Variants in GNPDA2 observed in about 807,000 individuals in gnomAD.
GNPDA2 encodes glcN6P deaminase 2.
Under a neutral mutation model 27.0 loss-of-function variants are expected in GNPDA2, and 24 were observed. That is an observed-to-expected ratio of 0.89 (90% confidence interval 0.64 to 1.25). The LOEUF is 1.25. Ranked by LOEUF, GNPDA2 falls within the 50% of genes most tolerant of loss-of-function variation. The pLI, the probability that GNPDA2 is intolerant of heterozygous loss-of-function variation, is 0.00. For missense variants in GNPDA2, 286 were observed against 335.1 expected, an observed-to-expected ratio of 0.85 and a Z score of 1.14; for synonymous variants, 94 against 108.4, an observed-to-expected ratio of 0.87 and a Z score of 0.83.
intron 4 of GNPDA2, among the ~76,000 whole-genome samples, chr4:44,716,622 G>A (rs1442914562): frequency 1.3e-5 from 2 of 151,808 alleles, no homozygotes; most frequent in East Asian, 3.9e-4. Flanking sequence ...ACTTAAGGCT[G>A]GTAAGTAAAA....
chr4:44,706,458 G>C (rs1030504759), intron 6 of GNPDA2: 2 of 151,844 alleles, frequency 1.3e-5, no homozygotes, highest in Non-Finnish European at 2.9e-5. Flanking sequence ...TCAGCATTTT[G>C]TTTAAAAATA....
chr4:44,710,376 G>C (rs1716897205), intron 5 of GNPDA2, among the ~76,000 whole-genome samples: 1 of 152,078 alleles, frequency 6.6e-6, no homozygotes, highest in South Asian at 2.1e-4. Flanking sequence ...ACTACAATGT[G>C]TTCTGTATTC....
chr4:44,725,609 G>C (rs979265659), intron 1 of GNPDA2, among the ~76,000 whole-genome samples: 2 of 151,580 alleles, frequency 1.3e-5, no homozygotes, highest in Non-Finnish European at 2.9e-5. Context: ...ACTCTCTGGA[G>C]GGCGCAGAGT....
At position 44,725,923 on chromosome 4, in the gene GNPDA2, C is replaced by T. The variant is rs78790374; in HGVS notation, c.-36+551G>A. ...GACAACTTCTACACCCGTGAAGTTA[C>T]ACAGCTAGTTAATGGCGGGGCCAAG... is the stretch of plus-strand genomic sequence containing the variant. On this transcript the variant is annotated intron_variant, in intron 1 of 6. Coordinates refer to ENST00000295448, the MANE Select transcript of GNPDA2 (RefSeq NM_138335.3). Among the ~76,000 whole-genome samples the T allele has an allele frequency of 6.5e-3, 988 of 152,260 alleles. 12 individuals are homozygous for T. Among genetic ancestry groups the T allele is most frequent in the African/African-American group, 0.023 (947 of 41,546 alleles).
At chr4:44,717,452 T>C (rs1352413485) in intron 3 of GNPDA2, among the ~76,000 whole-genome samples, 157 bp from the exon 4 acceptor site, 7 of 151,892 alleles carry the variant, frequency 4.6e-5, no homozygotes, top group Admixed American at 2.0e-4. Flanking sequence ...ATATGCCTAG[T>C]ATTAATCACC....
At position 44,717,296 on chromosome 4, in the gene GNPDA2, C is replaced by A; in HGVS notation, c.227-1G>T. ...CTTTCAGGATGATTTCTTGGAAGTC[C>A]TAAAGATGAAGTTAATAAAAATATA... On this transcript the variant is annotated splice_acceptor_variant, in intron 3 of 6. Coordinates refer to ENST00000295448, the MANE Select transcript of GNPDA2 (RefSeq NM_138335.3). LOFTEE classifies it high-confidence loss of function. 1 of 1,443,764 alleles carries A rather than the reference C, an allele frequency of 6.9e-7. No individual in the cohort carries two copies. Among genetic ancestry groups the A allele is most frequent in the South Asian group, 1.4e-5 (1 of 71,470 alleles). The allele number at this position is 1,443,764 out of a possible 1,614,324, so 89.4% of individuals were successfully genotyped here.
In GNPDA2 at chr4:44,710,941, T is replaced by C; in HGVS notation, c.594+12A>G. The C allele has an allele frequency of 6.4e-7, 1 of 1,558,622 alleles. No homozygotes were observed. The highest frequency in any genetic ancestry group is 8.7e-7 in the Non-Finnish European group (1 of 1,155,418). On this transcript the variant is annotated intron_variant, in intron 5 of 6. Coordinates refer to ENST00000295448, the MANE Select transcript of GNPDA2 (RefSeq NM_138335.3). Reference sequence around the variant, plus strand: ...ATGAAAAGAAAGACAGCAAAGAATATTTAATGCTTACTTCTCTAGCATCCA... The same window carrying C: ...ATGAAAAGAAAGACAGCAAAGAATACTTAATGCTTACTTCTCTAGCATCCA...
intron 6 of GNPDA2, chr4:44,707,304 TA>T (rs75719421): frequency 0.053 from 8,866 of 167,914 alleles, 296 homozygotes; most frequent in East Asian, 0.14. Flanking sequence ...TAAATTGGCT[TA>T]AAATTGTAAA....
chr4:44,707,533 A>G (rs1716681588), intron 6 of GNPDA2: 1 of 431,078 alleles, frequency 2.3e-6, no homozygotes, highest in African/African-American at 2.1e-5. Context: ...TTTACTGAAA[A>G]TAGAGACTGA....
intron 6 of GNPDA2, chr4:44,705,468 T>G (rs1716531636): frequency 1.0e-6 from 1 of 985,220 alleles, no homozygotes; most frequent in African/African-American, 1.7e-5. Flanking sequence ...CTTGATGCAG[T>G]GCAGCTATCC....
intron 4 of GNPDA2, among the ~76,000 whole-genome samples, chr4:44,716,002 T>A (rs73181476): frequency 0.029 from 4,340 of 152,052 alleles, 198 homozygotes; most frequent in African/African-American, 0.1. Context: ...ACCAACTATA[T>A]ACCAAGCACT....
intron 6 of GNPDA2, chr4:44,705,934 C>G (rs994196289): frequency 1.3e-5 from 2 of 151,862 alleles, no homozygotes; most frequent in South Asian, 2.1e-4. Context: ...CATAGAGATA[C>G]TGGCTGTTAT....
At chr4:44,712,307 A>G (rs1027869471) in intron 4 of GNPDA2, among the ~76,000 whole-genome samples, 12 of 152,120 alleles carry the variant, frequency 7.9e-5, no homozygotes, top group African/African-American at 2.7e-4. Flanking sequence ...TATTTTACTG[A>G]CACTTAGCAC....
At position 44,721,855 on chromosome 4, in the gene GNPDA2, T is replaced by A. The variant is rs188995537; in HGVS notation, c.124+229A>T. On this transcript the variant is annotated intron_variant, in intron 2 of 6. Transcript: ENST00000295448. ...AACACTTAAGTTACAATATTTCCTA[T>A]TGCATTTTGGAGTGACAGGTGAGAC... 7.6e-4 allele frequency among the ~76,000 whole-genome samples: 116 copies of A among 152,254 alleles called. 1 individual carries two copies. The highest frequency in any genetic ancestry group is 2.6e-3 in the African/African-American group (110 of 41,566).
At chr4:44,703,641 C>G in intron 6 of GNPDA2, 1 of 984,136 alleles carries the variant, frequency 1.0e-6, no homozygotes. Context: ...ATTACAAATT[C>G]TACACTGAGG....
At chr4:44,721,896 G>A (rs568546583) in intron 2 of GNPDA2, among the ~76,000 whole-genome samples, 188 bp downstream of exon 2, 4 of 152,078 alleles carry the variant, frequency 2.6e-5, no homozygotes, top group African/African-American at 9.7e-5. Flanking sequence ...TTTGGCACAA[G>A]AACTAGTAAC....
intron 6 of GNPDA2, chr4:44,707,171 T>G (rs1285991252): frequency 6.6e-6 from 1 of 152,202 alleles, no homozygotes; most frequent in Non-Finnish European, 1.5e-5. Context: ...TCTGAATTAC[T>G]GAACTAGACT....
At chr4:44,721,994 G>C (rs1426793279) in intron 2 of GNPDA2, 90 bp downstream of exon 2, 26 of 976,144 alleles carry the variant, frequency 2.7e-5, no homozygotes, top group Non-Finnish European at 3.8e-5. Flanking sequence ...ATAAATGAAT[G>C]GGGAAAGTAT....
chr4:44,714,131 C>A (rs1717141344), intron 4 of GNPDA2: 1 of 174,594 alleles, frequency 5.7e-6, no homozygotes. Context: ...ACCACCACGC[C>A]CAGCTAATTT....
Sources: gnomAD v4.1 joint callset for allele counts (sites outside exome capture counted in the v4.1 genomes callset) on GRCh38, gnomAD v4.1.1 for gene constraint, MANE v1.5 for transcripts, NCBI Gene and HGNC (gene_info 2026-07-23, HGNC 2026-07-21) for gene names.